Variants in CPPED1 observed in about 807,000 individuals in gnomAD.
CPPED1 encodes serine/threonine-protein phosphatase CPPED1.
Under a neutral mutation model 28.0 loss-of-function variants are expected in CPPED1, and 28 were observed. That is an observed-to-expected ratio of 1.00 (90% CI 0.74 to 1.37). CPPED1 has a LOEUF of 1.37. CPPED1 is among the 40% of genes most tolerant of loss of function. The pLI, the probability that CPPED1 is intolerant of heterozygous loss-of-function variation, is 0.00. For missense variants in CPPED1, 504 were observed against 416.5 expected, an observed-to-expected ratio of 1.21 and a Z score of -1.83; for synonymous variants, 198 against 180.2, an observed-to-expected ratio of 1.10 and a Z score of -0.79.
intron 2 of CPPED1, among the ~76,000 whole-genome samples, chr16:12,708,820 C>T (rs557520943): frequency 3.4e-4 from 52 of 152,290 alleles, no homozygotes; most frequent in Middle Eastern, 6.8e-3. Flanking sequence ...TGGCTCATGC[C>T]TGTACTCCCA....
At chr16:12,800,282 C>T (rs2080651313) in intron 1 of CPPED1, among the ~76,000 whole-genome samples, 1 of 152,032 alleles carries the variant, frequency 6.6e-6, no homozygotes, top group African/African-American at 2.4e-5. Flanking sequence ...CTACTAAAAA[C>T]ACAAAAATTA....
At chr16:12,737,316 T>TGGGAAGAAG (rs2080231948) in intron 2 of CPPED1, among the ~76,000 whole-genome samples, 1 of 151,826 alleles carries the variant, frequency 6.6e-6, no homozygotes, top group Non-Finnish European at 1.5e-5. Context: ...TCCAAATTCA[T>TGGGAAGAAG]GGGAAGAAGG....
intron 2 of CPPED1, among the ~76,000 whole-genome samples, chr16:12,765,879 T>C (rs1170841022): frequency 1.3e-5 from 2 of 152,176 alleles, no homozygotes; most frequent in East Asian, 3.8e-4. Flanking sequence ...TTCTGATCAC[T>C]TGACCAATTA....
intron 2 of CPPED1, among the ~76,000 whole-genome samples, chr16:12,734,816 G>A (rs1416349367): frequency 6.6e-6 from 1 of 152,112 alleles, no homozygotes; most frequent in Non-Finnish European, 1.5e-5. Flanking sequence ...AGGACACCAT[G>A]AATCAGGACT....
At chr16:12,767,315 C>A (rs1245245949) in intron 2 of CPPED1, among the ~76,000 whole-genome samples, 1 of 152,154 alleles carries the variant, frequency 6.6e-6, no homozygotes, top group Admixed American at 6.5e-5. Flanking sequence ...CATCTTTTCT[C>A]CATCTTTTTG....
intron 2 of CPPED1, among the ~76,000 whole-genome samples, chr16:12,730,597 T>C (rs1399300702): frequency 6.6e-6 from 1 of 152,210 alleles, no homozygotes; most frequent in Non-Finnish European, 1.5e-5. Context: ...TTAGATGGTA[T>C]ACTACATGGC....
chr16:12,668,318 G>C (rs2079836502), intron 3 of CPPED1, among the ~76,000 whole-genome samples: 1 of 152,014 alleles, frequency 6.6e-6, no homozygotes, highest in Admixed American at 6.6e-5. Context: ...AATGTTAAAA[G>C]TGAAACTAAA....
chr16:12,744,668 G>C (rs1028829344), intron 2 of CPPED1, among the ~76,000 whole-genome samples: 7 of 152,072 alleles, frequency 4.6e-5, no homozygotes, highest in African/African-American at 1.7e-4. Context: ...GGGAGTGCAG[G>C]CATCAAAGCA....
intron 2 of CPPED1, among the ~76,000 whole-genome samples, chr16:12,716,060 T>C (rs1334897891): frequency 6.6e-6 from 1 of 152,254 alleles, no homozygotes; most frequent in Admixed American, 6.5e-5. Context: ...AACAGAACTA[T>C]GATACCGGGC....
At chr16:12,773,260 T>C (rs2080479880) in intron 2 of CPPED1, among the ~76,000 whole-genome samples, 1 of 152,220 alleles carries the variant, frequency 6.6e-6, no homozygotes, top group African/African-American at 2.4e-5. Context: ...CGTTATTCAG[T>C]GTTGTGTAAA....
intron 3 of CPPED1, among the ~76,000 whole-genome samples, chr16:12,683,160 G>A (rs974792263): frequency 7.2e-5 from 11 of 152,320 alleles, no homozygotes; most frequent in Admixed American, 2.6e-4. Context: ...CCATCAAAAC[G>A]TAAGGACCTT....
intron 1 of CPPED1, among the ~76,000 whole-genome samples, chr16:12,800,570 C>T (rs1322738813): frequency 1.3e-5 from 2 of 152,160 alleles, no homozygotes; most frequent in African/African-American, 4.8e-5. Flanking sequence ...TTGCTGCAAT[C>T]AGACCACTCT....
rs1281320096 is a variant in CPPED1 at position 12,660,480 on chromosome 16, T to C, written c.*4406A>G. The C allele has an allele frequency of 1.3e-5, 2 of 150,506 alleles. No individual in the cohort carries two copies. The highest frequency in any genetic ancestry group is 2.5e-5 in the African/African-American group (1 of 40,568). The allele number at this position is 150,506 out of a possible 1,614,324, so 9.3% of individuals were successfully genotyped here. A position where few individuals can be genotyped will look rare whatever the true frequency, so the allele number is the denominator to read the frequency against. ...AGAAATCATTATTCCAAGAAAAGAA[T>C]CCTCCACTTTTACTATATGTGTGTG... On this transcript the variant is annotated 3_prime_UTR_variant, in exon 4 of 4. Coordinates refer to ENST00000381774, the MANE Select transcript of CPPED1 (RefSeq NM_018340.3).
At chr16:12,785,113 A>G (rs2080554958) in intron 1 of CPPED1, among the ~76,000 whole-genome samples, 1 of 152,158 alleles carries the variant, frequency 6.6e-6, no homozygotes, top group African/African-American at 2.4e-5. Flanking sequence ...GTCTCATCGT[A>G]ATTTCTTTTT....
chr16:12,689,739 C>T (rs2079952553), intron 3 of CPPED1, among the ~76,000 whole-genome samples: 1 of 152,124 alleles, frequency 6.6e-6, no homozygotes, highest in Admixed American at 6.6e-5. Context: ...TACATGCCCA[C>T]ATTAGCTCCT....
In CPPED1 at chr16:12,668,222, G is replaced by T. The variant is rs543629667; in HGVS notation, c.716-3107C>A. Among the ~76,000 whole-genome samples the T allele has an allele frequency of 8.5e-5, 13 of 152,216 alleles. No homozygotes were observed. In the South Asian group the frequency reaches 2.7e-3, roughly 32 times the overall value. ...GAATGAATTGCTTCAGCAAAAGAAAGGATGAAATATTAAAAAATAATGATG... is the reference window on the plus strand; with the variant it reads ...GAATGAATTGCTTCAGCAAAAGAAATGATGAAATATTAAAAAATAATGATG... On this transcript the variant is annotated intron_variant, in intron 3 of 3. Coordinates refer to ENST00000381774, the MANE Select transcript of CPPED1 (RefSeq NM_018340.3).
chr16:12,709,000 A>T (rs1338105405), intron 2 of CPPED1, among the ~76,000 whole-genome samples: 1 of 152,210 alleles, frequency 6.6e-6, no homozygotes, highest in Non-Finnish European at 1.5e-5. Flanking sequence ...GAATTGCTTG[A>T]ACCCGGGAGG....
At chr16:12,690,236 G>T (rs1438004995) in intron 3 of CPPED1, among the ~76,000 whole-genome samples, 3 of 152,182 alleles carry the variant, frequency 2.0e-5, no homozygotes, top group Non-Finnish European at 4.4e-5. Flanking sequence ...AGAAGGCCAA[G>T]TGTGGTGGCT....
chr16:12,694,813 C>T (rs907909279), intron 3 of CPPED1, among the ~76,000 whole-genome samples: 4 of 148,834 alleles, frequency 2.7e-5, no homozygotes, highest in East Asian at 2.0e-4. Context: ...GTTTTGCTCT[C>T]GTTACCCAGG....
Sources: allele counts gnomAD v4.1 joint callset (sites outside exome capture counted in the v4.1 genomes callset), GRCh38; gene constraint gnomAD v4.1.1; transcripts MANE v1.5; gene names NCBI Gene and HGNC (gene_info 2026-07-23, HGNC 2026-07-21).